CSMD1: variants seen among roughly 807,000 people sequenced by gnomAD.
The protein encoded by CSMD1 is CUB and Sushi multiple domains 1.
CSMD1 carries 213 observed loss-of-function variants against 417.5 expected under a neutral mutation model. That is an observed-to-expected ratio of 0.51 (90% CI 0.46 to 0.57). CSMD1 has a LOEUF of 0.57. CSMD1 is among the 20% of genes least tolerant of loss of function. The probability of loss-of-function intolerance (pLI) is 0.00; values close to 1 mark genes in which losing one functional copy is unlikely to be tolerated. For synonymous variants in CSMD1, 2,862 were observed against 1,736.8 expected (o/e 1.65, Z -16.11); for missense variants, 6,923 against 4,529.7 (o/e 1.53, Z -15.17).
At chr8:4,034,512 G>T (rs770519024) in intron 3 of CSMD1, among the ~76,000 whole-genome samples, 1 of 152,072 alleles carries the variant, frequency 6.6e-6, no homozygotes, top group Non-Finnish European at 1.5e-5. Flanking sequence ...GCTGTTTATA[G>T]TACATTAAAA....
At chr8:3,620,670 A>G (rs912819951) in intron 7 of CSMD1, among the ~76,000 whole-genome samples, 4 of 152,196 alleles carry the variant, frequency 2.6e-5, no homozygotes, top group African/African-American at 9.6e-5. Flanking sequence ...TATGTAAAAA[A>G]GAAAAGAGAA....
chr8:3,917,262 G>A (rs1234180309), intron 5 of CSMD1, among the ~76,000 whole-genome samples: 2 of 152,266 alleles, frequency 1.3e-5, no homozygotes, highest in East Asian at 3.9e-4. Context: ...GCTGTTGAAT[G>A]CATGAACGAA....
intron 4 of CSMD1, among the ~76,000 whole-genome samples, chr8:4,021,301 G>A (rs992972953): frequency 6.6e-6 from 1 of 152,178 alleles, no homozygotes; most frequent in African/African-American, 2.4e-5. Context: ...TTGGAAGTAT[G>A]AGGTTGACAA....
chr8:4,548,174 G>C (rs1402396435), intron 2 of CSMD1, among the ~76,000 whole-genome samples: 1 of 152,144 alleles, frequency 6.6e-6, no homozygotes, highest in Non-Finnish European at 1.5e-5. Context: ...ACTCCTACAA[G>C]AGCTTATGTT....
chr8:4,072,207 T>A (rs1799594757), intron 3 of CSMD1, among the ~76,000 whole-genome samples: 1 of 152,234 alleles, frequency 6.6e-6, no homozygotes, highest in Non-Finnish European at 1.5e-5. Context: ...CGTATTTATT[T>A]TTATATTTCA....
chr8:3,271,118 C>T (rs565122352), intron 26 of CSMD1, among the ~76,000 whole-genome samples: 1 of 140,700 alleles, frequency 7.1e-6, no homozygotes, highest in African/African-American at 2.6e-5. Context: ...GTGATGTTCC[C>T]CTTCCTGTGT....
intron 3 of CSMD1, among the ~76,000 whole-genome samples, chr8:4,151,296 G>A (rs375552443): frequency 1.3e-5 from 2 of 152,240 alleles, no homozygotes; most frequent in African/African-American, 4.8e-5. Flanking sequence ...TAAATCATTT[G>A]CCTTGTTATA....
chr8:4,016,187 C>A (rs545017012), intron 4 of CSMD1, among the ~76,000 whole-genome samples: 2 of 152,140 alleles, frequency 1.3e-5, no homozygotes, highest in African/African-American at 4.8e-5. Flanking sequence ...GTAACACTTG[C>A]CAGAGAGGTT....
chr8:3,607,197 G>C (rs763124230), intron 8 of CSMD1, among the ~76,000 whole-genome samples: 5 of 152,040 alleles, frequency 3.3e-5, no homozygotes, highest in Admixed American at 2.6e-4. Context: ...CACTAGCCTA[G>C]GCCTGCACGA....
intron 10 of CSMD1, among the ~76,000 whole-genome samples, chr8:3,560,192 G>A (rs968763948): frequency 2.0e-5 from 3 of 152,044 alleles, no homozygotes; most frequent in Non-Finnish European, 2.9e-5. Context: ...TGAAATAATG[G>A]AATGCAAAGA....
At chr8:3,949,599 A>T (rs1177157010) in intron 5 of CSMD1, among the ~76,000 whole-genome samples, 1 of 152,094 alleles carries the variant, frequency 6.6e-6, no homozygotes, top group East Asian at 1.9e-4. Context: ...ATTGAAGAAC[A>T]TGAGGGTGGG....
chr8:2,936,551 C>T lies in CSMD1; in HGVS notation c.*2034G>A, dbSNP rs75505851. On this transcript the variant is annotated 3_prime_UTR_variant, in exon 70 of 70. Coordinates refer to ENST00000635120, the MANE Select transcript of CSMD1 (RefSeq NM_033225.6). The stretch of plus-strand genomic sequence containing the variant: ...CTGTGAAACAGCAATGTAAGGATTC[C>T]CACTGGCAAAGCAAATCTCCAAGGA... 0.09 allele frequency: 13,702 copies of T among 152,050 alleles called. 622 individuals are homozygous for T. The highest frequency in any genetic ancestry group is 0.16 in the East Asian group (835 of 5,146). 9.4% of individuals were successfully genotyped at this position (152,050 alleles called of 1,614,324 possible).
At chr8:4,199,741 C>A (rs191511228) in intron 3 of CSMD1, among the ~76,000 whole-genome samples, 1 of 152,114 alleles carries the variant, frequency 6.6e-6, no homozygotes, top group Non-Finnish European at 1.5e-5. Flanking sequence ...CTTTGATCCT[C>A]TTAAAATATT....
intron 1 of CSMD1, among the ~76,000 whole-genome samples, chr8:4,876,547 C>G (rs1304149399): frequency 6.6e-6 from 1 of 152,080 alleles, no homozygotes; most frequent in Non-Finnish European, 1.5e-5. Flanking sequence ...CATTTCAATG[C>G]TTTCTCAATT....
chr8:4,142,989 T>C (rs71523611), intron 3 of CSMD1, among the ~76,000 whole-genome samples: 44,941 of 147,608 alleles, frequency 0.3, 8,344 homozygotes, highest in Non-Finnish European at 0.39. Flanking sequence ...TTCAAACTGA[T>C]TGAAAAAAAA....
At chr8:3,054,755 C>T (rs1464201494) in intron 49 of CSMD1, among the ~76,000 whole-genome samples, 1 of 152,098 alleles carries the variant, frequency 6.6e-6, no homozygotes, top group Non-Finnish European at 1.5e-5. Context: ...TACAATAATC[C>T]ATTTGCAGTA....
intron 12 of CSMD1, among the ~76,000 whole-genome samples, chr8:3,413,501 G>A (rs1275955275): frequency 6.6e-6 from 1 of 152,196 alleles, no homozygotes; most frequent in African/African-American, 2.4e-5. Context: ...ACAAGTAACT[G>A]TCAAAGTAGC....
intron 15 of CSMD1, among the ~76,000 whole-genome samples, chr8:3,400,786 T>C (rs766758361): frequency 2.0e-5 from 3 of 151,448 alleles, no homozygotes; most frequent in East Asian, 1.9e-4. Context: ...GATTGCTTTA[T>C]AGATCATATT....
At chr8:4,068,519 C>A (rs561876598) in intron 3 of CSMD1, among the ~76,000 whole-genome samples, 1 of 152,164 alleles carries the variant, frequency 6.6e-6, no homozygotes, top group Non-Finnish European at 1.5e-5. Context: ...TTAGTTTTTA[C>A]GACACAAAAT....
Sources: gnomAD v4.1 joint callset for allele counts (sites outside exome capture counted in the v4.1 genomes callset) on GRCh38, gnomAD v4.1.1 for gene constraint, MANE v1.5 for transcripts, NCBI Gene and HGNC (gene_info 2026-07-23, HGNC 2026-07-21) for gene names.